Variants in DPP10 observed in about 807,000 individuals in gnomAD.
The protein encoded by DPP10 is inactive dipeptidyl peptidase 10.
A neutral mutation model predicts 120.9 loss-of-function variants in DPP10; 33 were observed. That is an observed-to-expected ratio of 0.27 (90% confidence interval 0.21 to 0.37). DPP10 has a LOEUF of 0.37. DPP10 is among the 10% of genes least tolerant of loss of function. DPP10 has a pLI of 1.00. For missense variants in DPP10, 816 were observed against 942.8 expected, an observed-to-expected ratio of 0.87 and a Z score of 1.76; for synonymous variants, 337 against 326.1, an observed-to-expected ratio of 1.03 and a Z score of -0.36.
At chr2:114,973,660 T>TAAAAA (rs1171179167) in intron 1 of DPP10, among the ~76,000 whole-genome samples, 2 of 3,856 alleles carry the variant, frequency 5.2e-4, no homozygotes, top group Admixed American at 3.0e-3. Context: ...AGACTCCGTC[T>TAAAAA]CAAAAAAAAA....
intron 1 of DPP10, among the ~76,000 whole-genome samples, chr2:114,582,969 C>T (rs1024741662): frequency 6.6e-6 from 1 of 152,166 alleles, no homozygotes; most frequent in Admixed American, 6.5e-5. Context: ...TAGCTAAGTC[C>T]CATGCAGAGA....
At chr2:115,609,171 A>G (rs12997234) in intron 5 of DPP10, among the ~76,000 whole-genome samples, 10,728 of 152,216 alleles carry the variant, frequency 0.07, 598 homozygotes, top group Non-Finnish European at 0.099. Flanking sequence ...TGGCAGTATT[A>G]GACATTAGAA....
intron 7 of DPP10, among the ~76,000 whole-genome samples, chr2:115,726,578 T>C (rs1317896928): frequency 1.3e-5 from 2 of 152,112 alleles, no homozygotes; most frequent in African/African-American, 4.8e-5. Context: ...CCTCCTTTCA[T>C]TGTTTTTATT....
intron 1 of DPP10, among the ~76,000 whole-genome samples, chr2:114,803,318 C>T (rs566868584): frequency 5.4e-4 from 82 of 152,232 alleles, no homozygotes; most frequent in African/African-American, 2.0e-3. Flanking sequence ...TTATCAGCAG[C>T]ATGAATACAG....
At chr2:114,456,750 G>A (rs1487740021) in intron 1 of DPP10, among the ~76,000 whole-genome samples, 1 of 152,210 alleles carries the variant, frequency 6.6e-6, no homozygotes, top group East Asian at 1.9e-4. Flanking sequence ...GTACTGGGCT[G>A]AATTTTTCCC....
At chr2:114,556,747 T>A (rs979323874) in intron 1 of DPP10, among the ~76,000 whole-genome samples, 9 of 152,068 alleles carry the variant, frequency 5.9e-5, no homozygotes, top group African/African-American at 2.2e-4. Flanking sequence ...TAATAGATGA[T>A]GGAGTCCCAG....
At chr2:114,469,138 C>T (rs1437542647) in intron 1 of DPP10, among the ~76,000 whole-genome samples, 1 of 149,174 alleles carries the variant, frequency 6.7e-6, no homozygotes, top group Non-Finnish European at 1.5e-5. Context: ...TTGAGAGAGA[C>T]AAAACAATGC....
chr2:114,600,584 A>G (rs1400702685), intron 1 of DPP10, among the ~76,000 whole-genome samples: 1 of 151,762 alleles, frequency 6.6e-6, no homozygotes, highest in African/African-American at 2.4e-5. Flanking sequence ...CTTTATTATC[A>G]TTGGAACCAT....
At chr2:115,202,384 A>G (rs1296558788) in intron 1 of DPP10, among the ~76,000 whole-genome samples, 2 of 152,218 alleles carry the variant, frequency 1.3e-5, no homozygotes, top group Non-Finnish European at 1.5e-5. Context: ...TCATGGCTTT[A>G]TGGAATTGAA....
At chr2:114,457,205 T>C (rs1486946812) in intron 1 of DPP10, among the ~76,000 whole-genome samples, 3 of 152,162 alleles carry the variant, frequency 2.0e-5, no homozygotes, top group African/African-American at 7.2e-5. Flanking sequence ...ACTATATCCA[T>C]TTGGTTTCAC....
At chr2:114,555,242 T>C (rs1330785067) in intron 1 of DPP10, among the ~76,000 whole-genome samples, 1 of 152,116 alleles carries the variant, frequency 6.6e-6, no homozygotes, top group African/African-American at 2.4e-5. Flanking sequence ...ACATGTCAAC[T>C]CTCCTTGCTT....
intron 1 of DPP10, among the ~76,000 whole-genome samples, chr2:114,444,843 A>T (rs1420373911): frequency 6.6e-6 from 1 of 152,198 alleles, no homozygotes; most frequent in Non-Finnish European, 1.5e-5. Flanking sequence ...AATGCTTGTG[A>T]TGTTCATAAA....
intron 17 of DPP10, among the ~76,000 whole-genome samples, chr2:115,784,029 T>C (rs2149879578): frequency 6.6e-6 from 1 of 152,346 alleles, no homozygotes; most frequent in East Asian, 1.9e-4. Context: ...TTTTATCCTG[T>C]TGTTACAAGG....
At chr2:115,306,925 G>A (rs540831815) in intron 1 of DPP10, among the ~76,000 whole-genome samples, 1 of 152,114 alleles carries the variant, frequency 6.6e-6, no homozygotes, top group African/African-American at 2.4e-5. Context: ...TTATGTATGG[G>A]TCCAAATAAC....
intron 1 of DPP10, among the ~76,000 whole-genome samples, chr2:114,527,149 G>T (rs932544323): frequency 5.3e-5 from 8 of 152,130 alleles, no homozygotes; most frequent in African/African-American, 1.4e-4. Flanking sequence ...TATAATTATG[G>T]TTGTGAGATC....
chr2:115,188,855 C>T (rs1173649945), intron 1 of DPP10, among the ~76,000 whole-genome samples: 1 of 151,778 alleles, frequency 6.6e-6, no homozygotes, highest in African/African-American at 2.4e-5. Context: ...AAAAAGCACA[C>T]CTAAGGCTGT....
chr2:115,348,206 T>A (rs540325795), intron 3 of DPP10, among the ~76,000 whole-genome samples: 1 of 152,236 alleles, frequency 6.6e-6, no homozygotes, highest in South Asian at 2.1e-4. Flanking sequence ...GTCCCAACAC[T>A]ATTAATTTTT....
chr2:115,184,910 T>A (rs1559203022), intron 1 of DPP10, among the ~76,000 whole-genome samples: 1 of 152,194 alleles, frequency 6.6e-6, no homozygotes. Flanking sequence ...TAGTAATGCA[T>A]AATGTGAGAG....
At position 115,686,825 on chromosome 2, in the gene DPP10, C is replaced by A. The variant is rs1229718833; in HGVS notation, c.442-2862C>A. On this transcript the variant is annotated intron_variant, in intron 5 of 25. Transcript: ENST00000410059. Reference sequence around the variant, plus strand: ...CACACTCTAATAAGTAGTGGAACATCATTTGCAGAGATGGGATGAATAGGT... The same window carrying A: ...CACACTCTAATAAGTAGTGGAACATAATTTGCAGAGATGGGATGAATAGGT... Among the ~76,000 whole-genome samples, 3 of 151,986 alleles carry A rather than the reference C, an allele frequency of 2.0e-5. No homozygotes were observed. The East Asian group carries it at 5.8e-4, about 29-fold the overall frequency.
Sources: allele counts gnomAD v4.1 joint callset (sites outside exome capture counted in the v4.1 genomes callset), GRCh38; gene constraint gnomAD v4.1.1; transcripts MANE v1.5; gene names NCBI Gene and HGNC (gene_info 2026-07-23, HGNC 2026-07-21).